The following POLDIP3 variants were observed in gnomAD, a reference collection of about 807,000 sequenced individuals.
POLDIP3 encodes DNA polymerase delta interacting protein 3, also known as polymerase delta-interacting protein 3.
Under a neutral mutation model 45.1 loss-of-function variants are expected in POLDIP3, and 14 were observed. That is an observed-to-expected ratio of 0.31 (90% CI 0.20 to 0.49). The LOEUF is 0.49. Ranked by LOEUF, POLDIP3 falls within the 20% of genes least tolerant of loss-of-function variation. POLDIP3 has a pLI of 0.99. For missense variants in POLDIP3, 511 were observed against 538.8 expected, an observed-to-expected ratio of 0.95 and a Z score of 0.51; for synonymous variants, 223 against 205.2, an observed-to-expected ratio of 1.09 and a Z score of -0.74.
At chr22:42,593,647 T>C (rs1047004471) in intron 6 of POLDIP3, among the ~76,000 whole-genome samples, 2 of 152,158 alleles carry the variant, frequency 1.3e-5, no homozygotes, top group African/African-American at 4.8e-5. Context: ...GCCTCCTGAG[T>C]AGCTGGGACT....
chr22:42,586,113 A>C, intron 8 of POLDIP3, 145 bp from the exon 9 acceptor site: 1 of 728,470 alleles, frequency 1.4e-6, no homozygotes, highest in South Asian at 2.1e-5. Context: ...ACCTCGCAGC[A>C]AACTCAATCA....
rs761748423 is a variant in POLDIP3 at position 42,602,924 on chromosome 22, T to C, written c.296A>G (p.Asn99Ser). Residue 99 changes from asparagine to serine, a missense_variant, in exon 2 of 9, where the codon AAC becomes AGC. By Grantham distance (46) the Asn-to-Ser change is conservative. Transcript: ENST00000252115. ...GKVQDAREML[N>S]SRKQQTTVPQ... The stretch of plus-strand genomic sequence containing the variant: ...CACCGTGGTCTGCTGCTTGCGAGAG[T>C]TCAACATCTCTCTGGCATCCTGCAC... The C allele has an allele frequency of 1.2e-6, 2 of 1,613,590 alleles. No homozygotes were observed. Among genetic ancestry groups the C allele is most frequent in the Non-Finnish European group, 1.7e-6 (2 of 1,179,904 alleles).
chr22:42,614,585 G>C (rs947031194), intron 1 of POLDIP3, among the ~76,000 whole-genome samples: 1 of 152,000 alleles, frequency 6.6e-6, no homozygotes, highest in Non-Finnish European at 1.5e-5. Flanking sequence ...GGCCCCGTCG[G>C]CCTCCCAGGG....
chr22:42,614,870 A>G lies in POLDIP3; in HGVS notation c.-13T>C, dbSNP rs1424757759. ...AGATGTCCGCCATCTTGCTCCGCCG[A>G]GCAAGCCGAAAGCAGTCGAGACCCC... On this transcript the variant is annotated 5_prime_UTR_variant, in exon 1 of 9. Coordinates refer to ENST00000252115, the MANE Select transcript of POLDIP3 (RefSeq NM_032311.5). The G allele has an allele frequency of 3.7e-6, 6 of 1,613,268 alleles. No individual in the cohort carries two copies. Among genetic ancestry groups the G allele is most frequent in the African/African-American group, 1.3e-5 (1 of 74,908 alleles).
chr22:42,610,893 A>G (rs986740774), intron 1 of POLDIP3, among the ~76,000 whole-genome samples: 17 of 152,142 alleles, frequency 1.1e-4, no homozygotes, highest in Admixed American at 2.0e-4. Context: ...ATGACAGAGC[A>G]AGATCCTGTC....
At chr22:42,600,850 TC>T (rs1403467533) in intron 3 of POLDIP3, among the ~76,000 whole-genome samples, 1 of 152,116 alleles carries the variant, frequency 6.6e-6, no homozygotes, top group Non-Finnish European at 1.5e-5. Context: ...ATGCTTGTAA[TC>T]CCAGCTACTT....
chr22:42,613,769 CATAAAA>C (rs550096478), intron 1 of POLDIP3, among the ~76,000 whole-genome samples: 41 of 152,078 alleles, frequency 2.7e-4, no homozygotes, highest in Middle Eastern at 3.4e-3. Context: ...TCAAAAAAAA[CATAAAA>C]ATAAAAATAA....
chr22:42,598,619 T>C (rs1279874630), intron 4 of POLDIP3, among the ~76,000 whole-genome samples: 1 of 151,956 alleles, frequency 6.6e-6, no homozygotes, highest in Non-Finnish European at 1.5e-5. Flanking sequence ...CTCCTGACCT[T>C]GTGATCTGCC....
At chr22:42,593,912 A>G (rs1238084647) in intron 6 of POLDIP3, among the ~76,000 whole-genome samples, 2 of 152,228 alleles carry the variant, frequency 1.3e-5, no homozygotes, top group Non-Finnish European at 2.9e-5. Context: ...TGTCCCTGCT[A>G]AAGGAGAAGG....
chr22:42,603,812 A>C (rs1926552328), intron 1 of POLDIP3: 1 of 152,412 alleles, frequency 6.6e-6, no homozygotes, highest in Admixed American at 6.5e-5. Context: ...AAACCACTGA[A>C]ATTGGAAATG....
chr22:42,606,313 G>C (rs1480359283), intron 1 of POLDIP3, among the ~76,000 whole-genome samples: 1 of 151,978 alleles, frequency 6.6e-6, no homozygotes, highest in Non-Finnish European at 1.5e-5. Context: ...TTGAGCCCAG[G>C]AGATCGAGAA....
intron 4 of POLDIP3, 57 bp downstream of exon 4, chr22:42,599,641 G>A (rs1052423523): frequency 2.2e-5 from 28 of 1,285,948 alleles, no homozygotes; most frequent in South Asian, 3.6e-5. Flanking sequence ...TATTCAACAC[G>A]ACCTCTCCCA....
chr22:42,613,289 C>G (rs1047525482), intron 1 of POLDIP3, among the ~76,000 whole-genome samples: 1 of 152,166 alleles, frequency 6.6e-6, no homozygotes, highest in Non-Finnish European at 1.5e-5. Context: ...GTTGAGGAAA[C>G]AAATACTAAT....
intron 7 of POLDIP3, 138 bp downstream of exon 7, chr22:42,591,817 C>T (rs1205657393): frequency 1.7e-6 from 2 of 1,159,884 alleles, no homozygotes; most frequent in Non-Finnish European, 2.5e-6. Context: ...TCAGAGACTG[C>T]ACGGCAGTTC....
At chr22:42,588,902 C>T (rs78715709) in intron 7 of POLDIP3, among the ~76,000 whole-genome samples, 15,286 of 152,088 alleles carry the variant, frequency 0.1, 970 homozygotes, top group Admixed American at 0.17. Context: ...CCATTGTGCC[C>T]AGCCTAGGAA....
intron 6 of POLDIP3, 61 bp from the exon 7 acceptor site, chr22:42,592,145 ACT>A: frequency 6.2e-7 from 1 of 1,606,130 alleles, no homozygotes; most frequent in Non-Finnish European, 8.5e-7. Context: ...CCGCTCACAC[ACT>A]CTGAAGGCCC....
In POLDIP3 at chr22:42,597,866, C is replaced by T. The variant is rs1287328893; in HGVS notation, c.634-1501G>A. 8 of 404,042 alleles carry T rather than the reference C, an allele frequency of 2.0e-5. No homozygotes were observed. In the East Asian group the frequency reaches 5.8e-4, roughly 29 times the overall value. 25.0% of individuals were successfully genotyped at this position (404,042 alleles called of 1,614,324 possible). A position where few individuals can be genotyped will look rare whatever the true frequency, so the allele number is the denominator to read the frequency against. The stretch of plus-strand genomic sequence containing the variant: ...CGCAATCTTGGCTCACTGCAACCTC[C>T]ACCTCGGGGTTCAAACAATTCTCCT... On this transcript the variant is annotated intron_variant, in intron 4 of 8. Transcript: ENST00000252115.
chr22:42,596,442 T>C, intron 4 of POLDIP3, 77 bp from the exon 5 acceptor site: 1 of 1,418,182 alleles, frequency 7.1e-7, no homozygotes, highest in Non-Finnish European at 9.7e-7. Flanking sequence ...GTTGACAACT[T>C]GCTGAGAGCA....
intron 1 of POLDIP3, among the ~76,000 whole-genome samples, chr22:42,609,551 A>C (rs938069675): frequency 2.0e-5 from 3 of 152,186 alleles, no homozygotes; most frequent in African/African-American, 7.2e-5. Flanking sequence ...CATTCTGGAC[A>C]GATGTCCAGT....
Sources: allele counts gnomAD v4.1 joint callset (sites outside exome capture counted in the v4.1 genomes callset), GRCh38; gene constraint gnomAD v4.1.1; transcripts MANE v1.5; gene names NCBI Gene and HGNC (gene_info 2026-07-23, HGNC 2026-07-21).